FXN: variants seen among roughly 807,000 people sequenced by gnomAD.
FXN encodes frataxin, mitochondrial.
FXN carries 14 observed loss-of-function variants against 22.4 expected under a neutral mutation model. That is an observed-to-expected ratio of 0.62 (90% CI 0.41 to 0.98). The LOEUF is 0.98. Among genes scored for constraint, FXN ranks in the 50% least tolerant of loss-of-function variants. The pLI, the probability that FXN is intolerant of heterozygous loss-of-function variation, is 0.00. For synonymous variants in FXN, 120 were observed against 114.1 expected (o/e 1.05, Z -0.33); for missense variants, 267 against 268.4 (o/e 0.99, Z 0.04).
intron 2 of FXN, 146 bp from the exon 3 acceptor site, chr9:69,052,994 A>C (rs1025046034): frequency 8.4e-6 from 7 of 831,562 alleles, no homozygotes; most frequent in Non-Finnish European, 1.2e-5. Flanking sequence ...CTGTCTCAAA[A>C]AAAAAAAAAA....
At chr9:69,072,505 T>C (rs1362293594) in intron 4 of FXN, 107 bp from the exon 5 acceptor site, 1 of 1,599,940 alleles carries the variant, frequency 6.3e-7, no homozygotes, top group East Asian at 2.2e-5. Context: ...TGTGTTATTT[T>C]CTAGAGCTTT....
intron 1 of FXN, among the ~76,000 whole-genome samples, chr9:69,045,387 G>A (rs1328588000): frequency 6.6e-6 from 1 of 152,148 alleles, no homozygotes; most frequent in East Asian, 1.9e-4. Context: ...CTTGAGGCCA[G>A]GAGTTCAAGA....
chr9:69,054,741 A>T (rs1831924015), intron 3 of FXN, among the ~76,000 whole-genome samples: 1 of 152,178 alleles, frequency 6.6e-6, no homozygotes, highest in Admixed American at 6.6e-5. Flanking sequence ...TCCTGAACTC[A>T]AGTAATCCTC....
chr9:69,045,243 G>C (rs1353095617), intron 1 of FXN, among the ~76,000 whole-genome samples: 1 of 9,364 alleles, frequency 1.1e-4, no homozygotes, highest in Non-Finnish European at 1.1e-3. Flanking sequence ...GAGAGACACA[G>C]GGAGAATCAC....
chr9:69,055,041 G>A (rs1831930326), intron 3 of FXN, among the ~76,000 whole-genome samples: 1 of 152,186 alleles, frequency 6.6e-6, no homozygotes, highest in African/African-American at 2.4e-5. Context: ...GACAGTGAGG[G>A]AATTGAAAAA....
Position 69,077,775 on chromosome 9 carries a change from C to T in FXN, c.*5013C>T, listed in dbSNP as rs950666522. On this transcript the variant is annotated 3_prime_UTR_variant, in exon 5 of 5. Transcript: ENST00000484259. ...TAAAACCCCGCCTCTACTAAAAATA[C>T]AAAAATTAGCTGGCCGTAGTGGCGC... The T allele has an allele frequency of 1.5e-6, 1 of 651,710 alleles. No homozygotes were observed. The highest frequency in any genetic ancestry group is 1.9e-6 in the Non-Finnish European group (1 of 525,430). The allele number at this position is 651,710 out of a possible 1,614,324, so 40.4% of individuals were successfully genotyped here. A position where few individuals can be genotyped will look rare whatever the true frequency, so the allele number is the denominator to read the frequency against.
chr9:69,036,463 C>T lies in FXN; in HGVS notation c.165+516C>T, dbSNP rs547849272. On this transcript the variant is annotated intron_variant, in intron 1 of 4. Coordinates refer to ENST00000484259, the MANE Select transcript of FXN (RefSeq NM_000144.5). ...TGGATTTTTTTGAACGAAATGCTTT[C>T]CTGGAACGAGGTGAAACTTTCAGAG... 2.3e-4 allele frequency among the ~76,000 whole-genome samples: 35 copies of T among 152,330 alleles called. No homozygotes were observed. The East Asian group carries it at 6.2e-3, about 27-fold the overall frequency.
In FXN at chr9:69,072,522, G is replaced by C; in HGVS notation, c.483-90G>C. 1.9e-6 allele frequency: 3 copies of C among 1,606,818 alleles called. No individual in the cohort carries two copies. In the South Asian group the frequency reaches 3.3e-5, roughly 18 times the overall value. Reference sequence around the variant, plus strand: ...TGTTATTTTCTAGAGCTTTACTCCAGTCAATTTCTTGGGGGCAGCATTTGT... The same window carrying C: ...TGTTATTTTCTAGAGCTTTACTCCACTCAATTTCTTGGGGGCAGCATTTGT... On this transcript the variant is annotated intron_variant, in intron 4 of 4. Coordinates refer to ENST00000484259, the MANE Select transcript of FXN (RefSeq NM_000144.5).
intron 3 of FXN, among the ~76,000 whole-genome samples, chr9:69,064,421 T>G (rs1008365074): frequency 1.3e-5 from 2 of 152,232 alleles, no homozygotes; most frequent in African/African-American, 4.8e-5. Context: ...CCAACAGAGC[T>G]GAAGCTAATG....
chr9:69,060,002 G>A (rs1248600252), intron 3 of FXN, among the ~76,000 whole-genome samples: 2 of 152,196 alleles, frequency 1.3e-5, no homozygotes. Flanking sequence ...ATTTCTACAA[G>A]TGAGCTAGTG....
chr9:69,072,473 G>A (rs776349476), intron 4 of FXN, 139 bp from the exon 5 acceptor site: 2 of 1,388,442 alleles, frequency 1.4e-6, no homozygotes, highest in Non-Finnish European at 2.0e-6. Context: ...AGATAAGAAG[G>A]CAGATATACA....
In FXN at chr9:69,072,595, T is replaced by A; in HGVS notation, c.483-17T>A. The A allele has an allele frequency of 4.3e-6, 7 of 1,614,092 alleles. No homozygotes were observed. The highest frequency in any genetic ancestry group is 5.9e-6 in the Non-Finnish European group (7 of 1,180,030). ...GGCTGTGCTGTGGAATTACTATGCA[T>A]TTGTTTTGTCTTCCAGTGGACCTAA... On this transcript the variant is annotated splice_polypyrimidine_tract_variant and intron_variant, in intron 4 of 4. Coordinates refer to ENST00000484259, the MANE Select transcript of FXN (RefSeq NM_000144.5).
chr9:69,073,711 A>C lies in FXN; in HGVS notation c.*949A>C. The C allele has an allele frequency of 4.1e-6, 4 of 985,404 alleles. No individual in the cohort carries two copies. The South Asian group carries it at 1.9e-4, about 46-fold the overall frequency. The allele number at this position is 985,404 out of a possible 1,614,324, so 61.0% of individuals were successfully genotyped here. A position where few individuals can be genotyped will look rare whatever the true frequency, so the allele number is the denominator to read the frequency against. On this transcript the variant is annotated 3_prime_UTR_variant, in exon 5 of 5. Transcript: ENST00000484259. ...CCTCTGCTTCCCCATCTGTTAAATGAGAGAATAGAGTATGGTTGATTCCCA... is the reference window on the plus strand; with the variant it reads ...CCTCTGCTTCCCCATCTGTTAAATGCGAGAATAGAGTATGGTTGATTCCCA...
chr9:69,049,549 T>C (rs2133106255), intron 2 of FXN, among the ~76,000 whole-genome samples: 1 of 152,232 alleles, frequency 6.6e-6, no homozygotes, highest in South Asian at 2.1e-4. Context: ...GATAGTGGAG[T>C]TGTCTGATAC....
chr9:69,056,024 C>A lies in FXN; in HGVS notation c.384+2764C>A, dbSNP rs565721099. ...TCAGCCTCCCTAGTAGCTGGGACTACAGGCACATGCCACCATACTCGGCTA... is the reference window on the plus strand; with the variant it reads ...TCAGCCTCCCTAGTAGCTGGGACTAAAGGCACATGCCACCATACTCGGCTA... On this transcript the variant is annotated intron_variant, in intron 3 of 4. Transcript: ENST00000484259. 3.9e-5 allele frequency among the ~76,000 whole-genome samples: 6 copies of A among 152,144 alleles called. No homozygotes were observed. In the South Asian group the frequency reaches 1.3e-3, roughly 32 times the overall value.
chr9:69,035,777 A>C lies in FXN; in HGVS notation c.-6A>C. 1 of 1,502,826 alleles carries C rather than the reference A, an allele frequency of 6.7e-7. No individual in the cohort carries two copies. The highest frequency in any genetic ancestry group is 8.8e-7 in the Non-Finnish European group (1 of 1,131,700). The allele number at this position is 1,502,826 out of a possible 1,614,324, so 93.1% of individuals were successfully genotyped here. Reference sequence around the variant, plus strand: ...AGGGCGGAGCGGGCGGCAGACCCGGAGCAGCATGTGGACTCTCGGGCGCCG... The same window carrying C: ...AGGGCGGAGCGGGCGGCAGACCCGGCGCAGCATGTGGACTCTCGGGCGCCG... On this transcript the variant is annotated 5_prime_UTR_variant, in exon 1 of 5. Coordinates refer to ENST00000484259, the MANE Select transcript of FXN (RefSeq NM_000144.5).
intron 3 of FXN, among the ~76,000 whole-genome samples, chr9:69,060,304 G>A (rs3793460): frequency 6.6e-6 from 1 of 150,894 alleles, no homozygotes; most frequent in Admixed American, 6.6e-5. Flanking sequence ...CCGGGAGGCA[G>A]AGCTTGCAGT....
At position 69,046,511 on chromosome 9, in the gene FXN, G is replaced by A. The variant is rs763478658; in HGVS notation, c.263+29G>A. ...AGATAAAACACCTTCCACGTCATAG[G>A]TATCTTCCTCTCTCCTTCCCTGCCT... On this transcript the variant is annotated intron_variant, in intron 2 of 4. Transcript: ENST00000484259. The A allele has an allele frequency of 4.7e-6, 7 of 1,491,040 alleles. No homozygotes were observed. The African/African-American group carries it at 6.9e-5, about 15-fold the overall frequency. 92.4% of individuals were successfully genotyped at this position (1,491,040 alleles called of 1,614,324 possible). A position where few individuals can be genotyped will look rare whatever the true frequency, so the allele number is the denominator to read the frequency against.
rs1379381191 is a variant in FXN at position 69,035,964 on chromosome 9, G to A, written c.165+17G>A. On this transcript the variant is annotated intron_variant, in intron 1 of 4. Coordinates refer to ENST00000484259, the MANE Select transcript of FXN (RefSeq NM_000144.5). ...CGCCGCGCAGTAAGTATCCGCGCCGGGAACAGCCGCGGGCCGCACGCCGCG... is the reference window on the plus strand; with the variant it reads ...CGCCGCGCAGTAAGTATCCGCGCCGAGAACAGCCGCGGGCCGCACGCCGCG... The A allele has an allele frequency of 6.9e-7, 1 of 1,453,222 alleles. No individual in the cohort carries two copies. Among genetic ancestry groups the A allele is most frequent in the South Asian group, 1.3e-5 (1 of 76,296 alleles). The allele number at this position is 1,453,222 out of a possible 1,614,324, so 90.0% of individuals were successfully genotyped here.
Sources: gnomAD v4.1 joint callset for allele counts (sites outside exome capture counted in the v4.1 genomes callset) on GRCh38, gnomAD v4.1.1 for gene constraint, MANE v1.5 for transcripts, NCBI Gene and HGNC (gene_info 2026-07-23, HGNC 2026-07-21) for gene names.